The following GSS variants were observed in gnomAD, a reference collection of about 807,000 sequenced individuals.
The protein encoded by GSS is glutathione synthetase.
GSS carries 34 observed loss-of-function variants against 60.4 expected under a neutral mutation model. The observed-to-expected ratio is 0.56, with a 90% CI of 0.43 to 0.75. GSS has a LOEUF of 0.75. Among genes scored for constraint, GSS ranks in the 30% least tolerant of loss-of-function variants. The pLI, the probability that GSS is intolerant of heterozygous loss-of-function variation, is 0.00. For missense variants in GSS, 499 were observed against 595.1 expected, an observed-to-expected ratio of 0.84 and a Z score of 1.68; for synonymous variants, 224 against 239.0, an observed-to-expected ratio of 0.94 and a Z score of 0.58.
intron 1 of GSS, among the ~76,000 whole-genome samples, chr20:34,953,679 G>A (rs2081587025): frequency 6.8e-6 from 1 of 146,584 alleles, no homozygotes; most frequent in Admixed American, 6.8e-5. Flanking sequence ...GCAGCCGCAC[G>A]ATCTCGGCTC....
chr20:34,944,931 A>G (rs996133904), intron 3 of GSS, among the ~76,000 whole-genome samples: 13 of 152,144 alleles, frequency 8.5e-5, no homozygotes, highest in African/African-American at 2.9e-4. Context: ...CAACCTGTAC[A>G]GTATATACAC....
intron 2 of GSS, 21 bp downstream of exon 2, chr20:34,951,703 G>T (rs774453438): frequency 1.3e-6 from 2 of 1,592,840 alleles, no homozygotes; most frequent in East Asian, 2.3e-5. Flanking sequence ...TGAATGCTGT[G>T]GGGAGGAGCT....
chr20:34,946,071 A>C lies in GSS; in HGVS notation c.157T>G (p.Phe53Val), dbSNP rs774631459. 6.2e-7 allele frequency: 1 copy of C among 1,613,726 alleles called. No individual in the cohort carries two copies. Among genetic ancestry groups the C allele is most frequent in the South Asian group, 1.1e-5 (1 of 91,072 alleles). Residue 53 changes from phenylalanine (F) to valine (V), a missense_variant, in exon 3 of 13, where the codon TTC becomes GTC. Physicochemically the swap from Phe to Val is conservative, Grantham distance 50. Coordinates refer to ENST00000651619, the MANE Select transcript of GSS (RefSeq NM_000178.4). ...AGGGCACTGGGGACCAGTGAGGGGA[A>C]GAGCGTGAATGGGGCATAGCTCACC... ...EVVSYAPFTLFPSLVPSALLE... is the reference protein window; with the variant it reads ...EVVSYAPFTLVPSLVPSALLE...
chr20:34,931,254 C>CCCAG (rs1418135898), intron 11 of GSS, 82 bp downstream of exon 11: 2 of 1,091,128 alleles, frequency 1.8e-6, no homozygotes, highest in African/African-American at 3.1e-5. Context: ...CGGGACTGTG[C>CCCAG]CCAGAGTAAG....
chr20:34,935,533 T>C (rs1446495652), intron 9 of GSS, 43 bp downstream of exon 9: 2 of 1,342,098 alleles, frequency 1.5e-6, no homozygotes, highest in Non-Finnish European at 2.1e-6. Flanking sequence ...GGAGCTCTTG[T>C]GGGTCCCAGG....
In GSS at chr20:34,929,472, C is replaced by T; in HGVS notation, c.1230G>A (p.Leu410=). ...KIEPEPFENC[L]LRPGSPARVV... Reference sequence around the variant, plus strand: ...CTCGGGCAGGGCTGCCAGGCCGTAGCAGGCAATTCTCAAAAGGCTCAGGTT... The same window carrying T: ...CTCGGGCAGGGCTGCCAGGCCGTAGTAGGCAATTCTCAAAAGGCTCAGGTT... Residue 410 remains leucine, a synonymous_variant, in exon 12 of 13, where the codon CTG becomes CTA. Coordinates refer to ENST00000651619, the MANE Select transcript of GSS (RefSeq NM_000178.4). 1 of 1,614,194 alleles carries T rather than the reference C, an allele frequency of 6.2e-7. No homozygotes were observed. Among genetic ancestry groups the T allele is most frequent in the Non-Finnish European group, 8.5e-7 (1 of 1,180,006 alleles).
At chr20:34,946,476 G>C (rs2081524174) in intron 2 of GSS, among the ~76,000 whole-genome samples, 1 of 152,230 alleles carries the variant, frequency 6.6e-6, no homozygotes, top group Non-Finnish European at 1.5e-5. Context: ...CTGAGAAAGA[G>C]AGGTTAACAG....
upstream of GSS, chr20:34,956,012 GCATAGCT>G: frequency 6.6e-6 from 1 of 152,592 alleles, no homozygotes; most frequent in South Asian, 2.1e-4. Flanking sequence ...CTACGGGTAT[GCATAGCT>G]CATAGAGCGT....
intron 9 of GSS, among the ~76,000 whole-genome samples, chr20:34,933,308 A>G (rs1045944291): frequency 1.3e-5 from 2 of 152,150 alleles, no homozygotes; most frequent in African/African-American, 4.8e-5. Flanking sequence ...GTTGCTGAAT[A>G]AGTTGAAATT....
rs1171461163 is a variant in GSS, at chr20:34,936,958, T to C, written c.674A>G (p.Asn225Ser). The change falls in exon 7 of 13, where the codon AAT becomes AGT. Residue 225 changes from asparagine (N) to serine (S), a missense_variant. Coordinates refer to ENST00000651619, the MANE Select transcript of GSS (RefSeq NM_000178.4). ...CTTTACTTACCTGGCCAGTAGCTCA[T>C]TCTCTATGGCACGCTGGTCAAATAT... ...RNIFDQRAIE[N>S]ELLARNIHVI... The C allele has an allele frequency of 6.2e-7, 1 of 1,613,840 alleles. No homozygotes were observed. Among genetic ancestry groups the C allele is most frequent in the Middle Eastern group, 1.6e-4 (1 of 6,062 alleles).
intron 2 of GSS, chr20:34,946,671 T>C (rs1285896013): frequency 6.6e-6 from 1 of 152,306 alleles, no homozygotes. Flanking sequence ...CCCAGGCCCT[T>C]CCATGCATCA....
chr20:34,929,616 T>G lies in GSS; in HGVS notation c.1112-26A>C, dbSNP rs753512180. On this transcript the variant is annotated intron_variant, in intron 11 of 12. Transcript: ENST00000651619. ...CTGCAATGAAACTGGCCAGTCACCC[T>G]GGACCCTCTGCCTACCTCCTCCATC... 4.4e-6 allele frequency: 7 copies of G among 1,598,108 alleles called. No homozygotes were observed. The South Asian group carries it at 7.7e-5, about 18-fold the overall frequency.
intron 11 of GSS, among the ~76,000 whole-genome samples, chr20:34,930,568 C>T (rs376651404): frequency 1.6e-4 from 24 of 152,288 alleles, no homozygotes; most frequent in Admixed American, 4.6e-4. Flanking sequence ...GCCTCTTCCA[C>T]GGTCTTTCTG....
At chr20:34,930,281 T>A (rs1308518157) in intron 11 of GSS, among the ~76,000 whole-genome samples, 2 of 140,612 alleles carry the variant, frequency 1.4e-5, no homozygotes, top group Admixed American at 7.0e-5. Flanking sequence ...AAAAAAAAAA[T>A]TGTTAACTTC....
At chr20:34,954,445 T>C (rs1168947209) in intron 1 of GSS, 1 of 153,016 alleles carries the variant, frequency 6.5e-6, no homozygotes, top group East Asian at 1.9e-4. Flanking sequence ...TCCGAGCTAC[T>C]TGGGAGGCTG....
At chr20:34,934,280 CT>C (rs569895213) in intron 9 of GSS, 193 of 140,824 alleles carry the variant, frequency 1.4e-3, no homozygotes, top group Middle Eastern at 3.6e-3. Context: ...AGACCCATTT[CT>C]TTTTTTTTTT....
intron 1 of GSS, chr20:34,954,154 A>C (rs1362759420): frequency 6.6e-6 from 1 of 152,194 alleles, no homozygotes; most frequent in Non-Finnish European, 1.5e-5. Flanking sequence ...TGAAATTCCA[A>C]CATCTGTTTG....
chr20:34,946,443 T>C (rs909268259), intron 2 of GSS, among the ~76,000 whole-genome samples: 2 of 152,210 alleles, frequency 1.3e-5, no homozygotes, highest in Non-Finnish European at 2.9e-5. Context: ...ACTATTATTA[T>C]CCACACTTAA....
At chr20:34,941,369 A>T (rs1600385434) in intron 6 of GSS, among the ~76,000 whole-genome samples, 1 of 150,976 alleles carries the variant, frequency 6.6e-6, no homozygotes. Flanking sequence ...AAAAAAAAAA[A>T]AGGAAATGAC....
Sources: gnomAD v4.1 joint callset for allele counts (sites outside exome capture counted in the v4.1 genomes callset) on GRCh38, gnomAD v4.1.1 for gene constraint, MANE v1.5 for transcripts, NCBI Gene and HGNC (gene_info 2026-07-23, HGNC 2026-07-21) for gene names.